Variants in ERGIC2 observed in about 807,000 individuals in gnomAD.
ERGIC2 encodes ERGIC and golgi 2, also known as endoplasmic reticulum-Golgi intermediate compartment protein 2.
In ERGIC2, 31 loss-of-function variants were observed where a neutral mutation model predicts 52.5. The observed-to-expected ratio is 0.59, with a 90% CI of 0.44 to 0.80. The LOEUF is 0.80. ERGIC2 is among the 30% of genes least tolerant of loss of function. ERGIC2 has a pLI of 0.00. For missense variants in ERGIC2, 395 were observed against 455.2 expected, an observed-to-expected ratio of 0.87 and a Z score of 1.20; for synonymous variants, 129 against 140.6, an observed-to-expected ratio of 0.92 and a Z score of 0.58.
intron 12 of ERGIC2, among the ~76,000 whole-genome samples, chr12:29,342,363 T>C (rs1949846010): frequency 1.3e-5 from 2 of 152,128 alleles, no homozygotes; most frequent in African/African-American, 4.8e-5. Context: ...TTTTGGAAAA[T>C]AAATGATGTC....
In ERGIC2 at chr12:29,340,405, T is replaced by C. The variant is rs942987190; in HGVS notation, c.*751A>G. The C allele has an allele frequency of 6.6e-6, 1 of 152,328 alleles. No homozygotes were observed. The allele number at this position is 152,328 out of a possible 1,614,324, so 9.4% of individuals were successfully genotyped here. A position where few individuals can be genotyped will look rare whatever the true frequency, so the allele number is the denominator to read the frequency against. On this transcript the variant is annotated 3_prime_UTR_variant, in exon 14 of 14. Transcript: ENST00000360150. ...AAACTTGGCATCTTTTTTAAAAAAA[T>C]GTGCTTTCTTTTCCGTGTATAAGAT...
At chr12:29,342,770 A>G (rs1054341789) in intron 12 of ERGIC2, among the ~76,000 whole-genome samples, 1 of 152,154 alleles carries the variant, frequency 6.6e-6, no homozygotes, top group East Asian at 1.9e-4. Flanking sequence ...CAAATTAGGT[A>G]TTATTATTGC....
At chr12:29,373,132 T>C (rs1193688498) in intron 1 of ERGIC2, among the ~76,000 whole-genome samples, 2 of 152,124 alleles carry the variant, frequency 1.3e-5, no homozygotes, top group African/African-American at 4.8e-5. Flanking sequence ...TAAAAGTAGA[T>C]CATGAATTTT....
intron 8 of ERGIC2, among the ~76,000 whole-genome samples, chr12:29,355,285 A>G (rs1240033053): frequency 6.6e-6 from 1 of 152,208 alleles, no homozygotes; most frequent in Non-Finnish European, 1.5e-5. Context: ...TCACTGCTTA[A>G]GTGTGGATTT....
At chr12:29,363,836 A>AAAG (rs937963787) in intron 5 of ERGIC2, among the ~76,000 whole-genome samples, 9 of 41,824 alleles carry the variant, frequency 2.2e-4, no homozygotes, top group African/African-American at 3.4e-4. Context: ...CATAAATGTG[A>AAAG]AAAAAAAAAA....
Position 29,350,073 on chromosome 12 carries a change from A to C in ERGIC2, c.573-5T>G, listed in dbSNP as rs1218004280. The C allele has an allele frequency of 6.3e-7, 1 of 1,585,286 alleles. No homozygotes were observed. The highest frequency in any genetic ancestry group is 8.7e-7 in the Non-Finnish European group (1 of 1,155,830). Reference sequence around the variant, plus strand: ...CCACGAGGATGTGGAATTGCCCTGAAAGGAGAAAAAACAATTATTAAAGTA... The same window carrying C: ...CCACGAGGATGTGGAATTGCCCTGACAGGAGAAAAAACAATTATTAAAGTA... On this transcript the variant is annotated splice_region_variant and splice_polypyrimidine_tract_variant and intron_variant, in intron 8 of 13. Coordinates refer to ENST00000360150, the MANE Select transcript of ERGIC2 (RefSeq NM_016570.3).
chr12:29,368,428 G>A (rs1326146743), intron 3 of ERGIC2, 141 bp from the exon 4 acceptor site: 2 of 556,024 alleles, frequency 3.6e-6, no homozygotes, highest in Non-Finnish European at 6.5e-6. Flanking sequence ...ATTTCTCATG[G>A]CCAAAACAAA....
chr12:29,351,968 CGCAG>C (rs1555130640), intron 8 of ERGIC2, among the ~76,000 whole-genome samples: 1 of 152,124 alleles, frequency 6.6e-6, no homozygotes, highest in Non-Finnish European at 1.5e-5. Context: ...TTGCTTAATA[CGCAG>C]GATGTTCTGC....
chr12:29,358,511 A>G (rs559939555), intron 6 of ERGIC2, among the ~76,000 whole-genome samples: 6 of 152,148 alleles, frequency 3.9e-5, no homozygotes, highest in Non-Finnish European at 8.8e-5. Flanking sequence ...AACACCAAGA[A>G]CGAACTCTAA....
chr12:29,356,519 G>T, intron 7 of ERGIC2, 42 bp from the exon 8 acceptor site: 1 of 1,033,080 alleles, frequency 9.7e-7, no homozygotes, highest in Non-Finnish European at 1.5e-6. Context: ...ATTCAATACA[G>T]TTACCATTTT....
chr12:29,362,592 T>C (rs1237713849), intron 5 of ERGIC2, among the ~76,000 whole-genome samples: 4 of 136,114 alleles, frequency 2.9e-5, no homozygotes, highest in Non-Finnish European at 6.6e-5. Context: ...TGAAACTCCG[T>C]TTCAAAAAAA....
rs948491707 is a variant in ERGIC2 at position 29,339,190 on chromosome 12, T to C, written c.*1966A>G. ...TTTTGCTTTAAAGAAATTCCTTTCA[T>C]AGGAGATAAATTTCATTAAAATTTT... On this transcript the variant is annotated 3_prime_UTR_variant, in exon 14 of 14. Transcript: ENST00000360150. 2.0e-5 allele frequency: 3 copies of C among 152,186 alleles called. No individual in the cohort carries two copies. Among genetic ancestry groups the C allele is most frequent in the African/African-American group, 7.2e-5 (3 of 41,444 alleles). 9.4% of individuals were successfully genotyped at this position (152,186 alleles called of 1,614,324 possible).
intron 6 of ERGIC2, 97 bp from the exon 7 acceptor site, chr12:29,357,821 A>G: frequency 4.0e-6 from 3 of 751,134 alleles, no homozygotes; most frequent in Non-Finnish European, 4.7e-6. Flanking sequence ...TAGTTAAATC[A>G]TACATTTATT....
intron 5 of ERGIC2, among the ~76,000 whole-genome samples, chr12:29,362,015 C>T (rs1331061481): frequency 6.6e-6 from 1 of 152,122 alleles, no homozygotes; most frequent in Non-Finnish European, 1.5e-5. Flanking sequence ...GCATGAAATT[C>T]ACAAGTATTA....
intron 11 of ERGIC2, among the ~76,000 whole-genome samples, chr12:29,345,215 C>A (rs1011253109): frequency 2.6e-5 from 4 of 152,028 alleles, no homozygotes; most frequent in Non-Finnish European, 5.9e-5. Context: ...CAATAGAAAA[C>A]CTTTCAGATT....
intron 6 of ERGIC2, among the ~76,000 whole-genome samples, chr12:29,361,410 C>A (rs1940285115): frequency 6.6e-6 from 1 of 151,964 alleles, no homozygotes; most frequent in Non-Finnish European, 1.5e-5. Context: ...ATAGTTGATA[C>A]CATTTTAAAT....
chr12:29,373,780 T>C (rs987172937), intron 1 of ERGIC2, among the ~76,000 whole-genome samples: 44 of 152,084 alleles, frequency 2.9e-4, no homozygotes, highest in African/African-American at 9.9e-4. Flanking sequence ...AAGAAAAAAA[T>C]AGATGTCATA....
intron 5 of ERGIC2, among the ~76,000 whole-genome samples, chr12:29,363,686 C>T (rs1321573535): frequency 2.0e-5 from 3 of 151,748 alleles, no homozygotes; most frequent in Non-Finnish European, 4.4e-5. Flanking sequence ...TCACTATTGC[C>T]TAAAATCTGC....
intron 10 of ERGIC2, among the ~76,000 whole-genome samples, chr12:29,346,455 G>A (rs763652972): frequency 9.2e-5 from 14 of 152,078 alleles, no homozygotes; most frequent in East Asian, 1.9e-4. Context: ...CTCCCAAAGC[G>A]CTGGGATTAT....
Sources: gnomAD v4.1 joint callset for allele counts (sites outside exome capture counted in the v4.1 genomes callset) on GRCh38, gnomAD v4.1.1 for gene constraint, MANE v1.5 for transcripts, NCBI Gene and HGNC (gene_info 2026-07-23, HGNC 2026-07-21) for gene names.